XPO4: variants seen among roughly 807,000 people sequenced by gnomAD.
XPO4 encodes exportin 4.
Under a neutral mutation model 143.0 loss-of-function variants are expected in XPO4, and 39 were observed. The observed-to-expected ratio is 0.27, with a 90% CI of 0.21 to 0.36. XPO4 has a LOEUF of 0.36. Ranked by LOEUF, XPO4 falls within the 10% of genes least tolerant of loss-of-function variation. The pLI is 1.00. For synonymous variants in XPO4, 439 were observed against 474.0 expected, an observed-to-expected ratio of 0.93 and a Z score of 0.96; for missense variants, 907 against 1,348.0, an observed-to-expected ratio of 0.67 and a Z score of 5.12.
At position 20,779,998 on chromosome 13, in the gene XPO4, A is replaced by T. The variant is rs915846735; in HGVS notation, c.*3724T>A. On this transcript the variant is annotated 3_prime_UTR_variant, in exon 23 of 23. Transcript: ENST00000255305. ...ATAGTTACCAAGTCAGAGAATAACC[A>T]CTTATATTTTAAAAAGATTAAAACA... The T allele has an allele frequency of 2.0e-5, 3 of 152,210 alleles. No individual in the cohort carries two copies. The highest frequency in any genetic ancestry group is 7.2e-5 in the African/African-American group (3 of 41,444). 9.4% of individuals were successfully genotyped at this position (152,210 alleles called of 1,614,324 possible). A position where few individuals can be genotyped will look rare whatever the true frequency, so the allele number is the denominator to read the frequency against.
intron 1 of XPO4, among the ~76,000 whole-genome samples, chr13:20,890,618 G>A (rs2060502772): frequency 6.6e-6 from 1 of 151,792 alleles, no homozygotes; most frequent in Non-Finnish European, 1.5e-5. Flanking sequence ...GGATAACATG[G>A]TGAAACCCTG....
chr13:20,816,822 G>A (rs746176329), intron 9 of XPO4, among the ~76,000 whole-genome samples: 3 of 152,152 alleles, frequency 2.0e-5, no homozygotes, highest in South Asian at 2.1e-4. Context: ...CTTTTAATAC[G>A]AATCTGTATT....
At chr13:20,807,417 T>C in intron 13 of XPO4, 40 bp downstream of exon 13, 1 of 1,558,938 alleles carries the variant, frequency 6.4e-7, no homozygotes, top group Non-Finnish European at 8.7e-7. Context: ...TATAAAACAG[T>C]ATAAAAATTA....
intron 9 of XPO4, 76 bp downstream of exon 9, chr13:20,821,628 T>A (rs1463487084): frequency 1.4e-6 from 2 of 1,454,848 alleles, no homozygotes; most frequent in Non-Finnish European, 1.8e-6. Context: ...TAATTACTTG[T>A]CATGAGAAAT....
Position 20,783,578 on chromosome 13 carries a change from G to T in XPO4, c.*144C>A. On this transcript the variant is annotated 3_prime_UTR_variant, in exon 23 of 23. Coordinates refer to ENST00000255305, the MANE Select transcript of XPO4 (RefSeq NM_022459.5). Reference sequence around the variant, plus strand: ...CCAAGTTGACCTCTCCTGTTTCACTGTATTACATACATATCAAAGTTTCAG... The same window carrying T: ...CCAAGTTGACCTCTCCTGTTTCACTTTATTACATACATATCAAAGTTTCAG... 1 of 775,922 alleles carries T rather than the reference G, an allele frequency of 1.3e-6. No individual in the cohort carries two copies. Among genetic ancestry groups the T allele is most frequent in the Non-Finnish European group, 2.1e-6 (1 of 467,514 alleles). 48.1% of individuals were successfully genotyped at this position (775,922 alleles called of 1,614,324 possible).
At chr13:20,879,161 A>G (rs2138154129) in intron 1 of XPO4, 1 of 985,430 alleles carries the variant, frequency 1.0e-6, no homozygotes, top group Non-Finnish European at 1.2e-6. Context: ...GCTGCCTAGC[A>G]TAAAGAAGAC....
At chr13:20,880,161 C>T (rs144008356) in intron 1 of XPO4, among the ~76,000 whole-genome samples, 137 of 152,144 alleles carry the variant, frequency 9.0e-4, no homozygotes, top group Middle Eastern at 3.4e-3. Context: ...CAGACGGGCG[C>T]GGTGGCTCAT....
chr13:20,883,545 T>C (rs2060433379), intron 1 of XPO4, among the ~76,000 whole-genome samples: 1 of 152,158 alleles, frequency 6.6e-6, no homozygotes, highest in African/African-American at 2.4e-5. Flanking sequence ...ATTTTCAGGG[T>C]ATTGAAAGAA....
At position 20,822,119 on chromosome 13, in the gene XPO4, C is replaced by CAGCTG; in HGVS notation, c.998+12_998+13insCAGCT. 6.3e-7 allele frequency: 1 copy of CAGCTG among 1,597,522 alleles called. No individual in the cohort carries two copies. The highest frequency in any genetic ancestry group is 1.8e-5 in the Admixed American group (1 of 57,018). On this transcript the variant is annotated intron_variant, in intron 8 of 22. Transcript: ENST00000255305. ...GAGCTCCTTTTTCAGCTGCAAAGGGCAAGTATACCTACCCATTGATAGTAT... is the reference window on the plus strand; with the variant it reads ...GAGCTCCTTTTTCAGCTGCAAAGGGCAGCTGAAGTATACCTACCCATTGATAGTAT...
At chr13:20,902,207 G>C (rs1198710334) in intron 1 of XPO4, 2 of 985,220 alleles carry the variant, frequency 2.0e-6, no homozygotes, top group Non-Finnish European at 2.4e-6. Context: ...AGCGCTAGAG[G>C]ATGCGAATGC....
Position 20,784,060 on chromosome 13 carries a change from T to C in XPO4, c.3259-141A>G. 2.6e-6 allele frequency: 2 copies of C among 764,742 alleles called. 1 individual carries two copies. Among genetic ancestry groups the C allele is most frequent in the South Asian group, 3.5e-5 (2 of 56,516 alleles). The allele number at this position is 764,742 out of a possible 1,614,324, so 47.4% of individuals were successfully genotyped here. ...CATTTAGAATAATTCAGCATTTAAG[T>C]ACTACTGTTTGAAAACCTTTTACAT... is the stretch of plus-strand genomic sequence containing the variant. On this transcript the variant is annotated intron_variant, in intron 22 of 22. Coordinates refer to ENST00000255305, the MANE Select transcript of XPO4 (RefSeq NM_022459.5).
chr13:20,849,674 A>T, intron 4 of XPO4: 1 of 984,588 alleles, frequency 1.0e-6, no homozygotes, highest in Non-Finnish European at 1.2e-6. Context: ...GGCATAAATT[A>T]ACTAAGAATA....
rs941323636 is a variant in XPO4, at chr13:20,779,585, G to A, written c.*4137C>T. 2.6e-5 allele frequency: 4 copies of A among 152,504 alleles called. No homozygotes were observed. Among genetic ancestry groups the A allele is most frequent in the Admixed American group, 2.6e-4 (4 of 15,266 alleles). The allele number at this position is 152,504 out of a possible 1,614,324, so 9.4% of individuals were successfully genotyped here. On this transcript the variant is annotated 3_prime_UTR_variant, in exon 23 of 23. Coordinates refer to ENST00000255305, the MANE Select transcript of XPO4 (RefSeq NM_022459.5). ...AGGGTAAAGATGTGAGCTTCAAGCG[G>A]GTAATGGGCAAGCCACACCTCCCAG...
At chr13:20,877,986 C>G (rs1228077167) in intron 1 of XPO4, among the ~76,000 whole-genome samples, 1 of 152,130 alleles carries the variant, frequency 6.6e-6, no homozygotes, top group Non-Finnish European at 1.5e-5. Flanking sequence ...GGCTTGAGGT[C>G]AGGAGCTCAA....
intron 13 of XPO4, among the ~76,000 whole-genome samples, chr13:20,801,861 C>T (rs969892998): frequency 1.7e-4 from 26 of 152,146 alleles, no homozygotes; most frequent in Non-Finnish European, 3.5e-4. Context: ...ATCATACACA[C>T]GTGTTTCAGT....
intron 16 of XPO4, 47 bp from the exon 17 acceptor site, chr13:20,797,104 T>G: frequency 1.3e-6 from 2 of 1,502,868 alleles, no homozygotes; most frequent in Non-Finnish European, 1.8e-6. Flanking sequence ...TTCTCATGCT[T>G]TATTTCCTCT....
chr13:20,790,653 T>C (rs1042076958), intron 18 of XPO4, 73 bp from the exon 19 acceptor site: 8 of 1,230,542 alleles, frequency 6.5e-6, no homozygotes, highest in Non-Finnish European at 9.4e-6. Context: ...TCTACCCTTA[T>C]GAAAATAAAC....
intron 2 of XPO4, among the ~76,000 whole-genome samples, chr13:20,865,944 T>C (rs1408868491): frequency 1.3e-5 from 2 of 152,178 alleles, no homozygotes; most frequent in Non-Finnish European, 1.5e-5. Flanking sequence ...AACTGACTTT[T>C]TGGTGGTTTA....
rs2059132248 is a variant in XPO4, at chr13:20,780,657, T to C, written c.*3065A>G. The C allele has an allele frequency of 1.3e-5, 2 of 152,162 alleles. No individual in the cohort carries two copies. Among genetic ancestry groups the C allele is most frequent in the South Asian group, 2.1e-4 (1 of 4,830 alleles). The allele number at this position is 152,162 out of a possible 1,614,324, so 9.4% of individuals were successfully genotyped here. On this transcript the variant is annotated 3_prime_UTR_variant, in exon 23 of 23. Coordinates refer to ENST00000255305, the MANE Select transcript of XPO4 (RefSeq NM_022459.5). ...AATAAGACTAAATTCTTAAAATTAG[T>C]TTGAAAAAAACCTGCAGTTTGTTTA...
Sources: gnomAD v4.1 joint callset for allele counts (sites outside exome capture counted in the v4.1 genomes callset) on GRCh38, gnomAD v4.1.1 for gene constraint, MANE v1.5 for transcripts, NCBI Gene and HGNC (gene_info 2026-07-23, HGNC 2026-07-21) for gene names.